The following WWOX variants were observed in gnomAD, a reference collection of about 807,000 sequenced individuals.
WWOX encodes WW domain containing oxidoreductase.
WWOX carries 69 observed loss-of-function variants against 46.2 expected under a neutral mutation model. The ratio of observed to expected loss-of-function variants is 1.49; its 90% CI spans 1.23 to 1.82. The LOEUF (loss-of-function observed/expected upper bound fraction) is 1.82. WWOX is among the 40% of genes most tolerant of loss of function. The pLI is 0.00. For synonymous variants in WWOX, 359 were observed against 202.6 expected, an observed-to-expected ratio of 1.77 and a Z score of -6.56; for missense variants, 919 against 542.6, an observed-to-expected ratio of 1.69 and a Z score of -6.89.
chr16:78,662,272 G>C (rs918980125), intron 8 of WWOX, among the ~76,000 whole-genome samples: 1 of 152,160 alleles, frequency 6.6e-6, no homozygotes, highest in Non-Finnish European at 1.5e-5. Flanking sequence ...GAATGTTTTA[G>C]TCAGAGGCAA....
intron 8 of WWOX, among the ~76,000 whole-genome samples, chr16:78,784,514 G>A (rs377120902): frequency 2.0e-5 from 3 of 151,928 alleles, no homozygotes; most frequent in Middle Eastern, 3.2e-3. Flanking sequence ...TTGTGACTTT[G>A]AACAAATTAT....
intron 8 of WWOX, 71 bp downstream of exon 8, chr16:78,432,823 T>C: frequency 6.2e-7 from 1 of 1,607,582 alleles, no homozygotes; most frequent in Admixed American, 1.7e-5. Context: ...TGTCTCCACC[T>C]TTTTACCTCT....
In WWOX at chr16:78,232,804, A is replaced by C. The variant is rs12447577; in HGVS notation, c.516+68515A>C. On this transcript the variant is annotated intron_variant, in intron 5 of 8. Transcript: ENST00000566780. ...GTCTATTATTTATCAAGAAATTAAA[A>C]AGGAATGAATATCTGTAGCTGTTTT... 7.7e-3 allele frequency among the ~76,000 whole-genome samples: 1,168 copies of C among 152,130 alleles called. 32 individuals carry two copies. The highest frequency in any genetic ancestry group is 0.054 in the Admixed American group (823 of 15,250).
intron 8 of WWOX, among the ~76,000 whole-genome samples, chr16:79,001,574 A>C (rs185434430): frequency 1.2e-3 from 185 of 152,272 alleles, no homozygotes; most frequent in African/African-American, 4.0e-3. Context: ...TATTTTAAAC[A>C]AGTTTTGCCC....
intron 6 of WWOX, among the ~76,000 whole-genome samples, chr16:78,412,148 G>A (rs989139135): frequency 4.6e-5 from 7 of 152,182 alleles, no homozygotes; most frequent in African/African-American, 1.7e-4. Flanking sequence ...TTCCTAATGA[G>A]CCTAGAGATA....
chr16:78,944,914 C>G (rs752437050), intron 8 of WWOX, among the ~76,000 whole-genome samples: 2 of 152,150 alleles, frequency 1.3e-5, no homozygotes, highest in African/African-American at 4.8e-5. Context: ...CACAGTGGCT[C>G]ACACCTGTAA....
chr16:78,369,746 A>G (rs1053500052), intron 5 of WWOX, among the ~76,000 whole-genome samples: 2 of 151,986 alleles, frequency 1.3e-5, no homozygotes, highest in African/African-American at 2.4e-5. Context: ...TTAAAATCCA[A>G]CAAATACGTT....
intron 8 of WWOX, among the ~76,000 whole-genome samples, chr16:78,618,943 C>T: frequency 6.7e-6 from 1 of 150,314 alleles, no homozygotes; most frequent in East Asian, 2.0e-4. Flanking sequence ...CCCACTGCTG[C>T]TGCAAGAACA....
At chr16:78,440,126 T>C (rs757009186) in intron 8 of WWOX, among the ~76,000 whole-genome samples, 1 of 152,160 alleles carries the variant, frequency 6.6e-6, no homozygotes, top group African/African-American at 2.4e-5. Flanking sequence ...GATAGGGTAA[T>C]GGTGTTGACA....
In WWOX at chr16:78,782,310, T is replaced by G. The variant is rs147970318; in HGVS notation, c.1056+349558T>G. 1.7e-4 allele frequency among the ~76,000 whole-genome samples: 26 copies of G among 152,332 alleles called. No individual in the cohort carries two copies. The East Asian group carries it at 4.4e-3, about 26-fold the overall frequency. On this transcript the variant is annotated intron_variant, in intron 8 of 8. Coordinates refer to ENST00000566780, the MANE Select transcript of WWOX (RefSeq NM_016373.4). ...TGCACGAGCTTTTTCAAGAACCTTC[T>G]TGCTCCCTCTCCATCCTCTCTGTTT...
intron 8 of WWOX, among the ~76,000 whole-genome samples, chr16:78,470,115 A>T (rs1023822771): frequency 6.6e-6 from 1 of 152,210 alleles, no homozygotes; most frequent in Non-Finnish European, 1.5e-5. Flanking sequence ...CAGGGACTCA[A>T]GCTCTTTTCA....
chr16:78,721,344 A>G (rs1049670099), intron 8 of WWOX, among the ~76,000 whole-genome samples: 2 of 152,174 alleles, frequency 1.3e-5, no homozygotes, highest in Non-Finnish European at 2.9e-5. Context: ...AATACCATTT[A>G]CATTTACTGT....
chr16:78,822,068 G>A (rs140062913), intron 8 of WWOX, among the ~76,000 whole-genome samples: 1 of 151,904 alleles, frequency 6.6e-6, no homozygotes, highest in Non-Finnish European at 1.5e-5. Flanking sequence ...GTAGAGATGG[G>A]GTCTCAGTGC....
At chr16:78,319,557 A>T (rs2080423233) in intron 5 of WWOX, among the ~76,000 whole-genome samples, 1 of 152,066 alleles carries the variant, frequency 6.6e-6, no homozygotes, top group Admixed American at 6.6e-5. Flanking sequence ...CTGATGTCTT[A>T]ATCTTAGCCC....
chr16:78,746,751 C>T (rs897036693), intron 8 of WWOX, among the ~76,000 whole-genome samples: 5 of 152,106 alleles, frequency 3.3e-5, no homozygotes, highest in African/African-American at 1.2e-4. Flanking sequence ...AGACCTGAAT[C>T]TGACTTATAC....
At chr16:78,855,264 T>A (rs2052540295) in intron 8 of WWOX, among the ~76,000 whole-genome samples, 1 of 152,198 alleles carries the variant, frequency 6.6e-6, no homozygotes, top group Non-Finnish European at 1.5e-5. Context: ...TACTAAATAA[T>A]AAATTATAAG....
At chr16:78,996,966 G>A (rs1012580662) in intron 8 of WWOX, among the ~76,000 whole-genome samples, 4 of 152,234 alleles carry the variant, frequency 2.6e-5, no homozygotes, top group Non-Finnish European at 4.4e-5. Context: ...AGGGCGAGGT[G>A]CGGATCTTTT....
chr16:78,668,532 A>G (rs2047386557), intron 8 of WWOX, among the ~76,000 whole-genome samples: 1 of 152,172 alleles, frequency 6.6e-6, no homozygotes, highest in Non-Finnish European at 1.5e-5. Context: ...GCAGGAACAA[A>G]CAATTAGAAC....
chr16:78,363,229 T>C (rs1370353575), intron 5 of WWOX, among the ~76,000 whole-genome samples: 1 of 152,126 alleles, frequency 6.6e-6, no homozygotes, highest in East Asian at 1.9e-4. Flanking sequence ...CAATTCCATA[T>C]ATTTTTAAAA....
Sources: allele counts gnomAD v4.1 joint callset (sites outside exome capture counted in the v4.1 genomes callset), GRCh38; gene constraint gnomAD v4.1.1; transcripts MANE v1.5; gene names NCBI Gene and HGNC (gene_info 2026-07-23, HGNC 2026-07-21).